LINGO2: variants seen among roughly 807,000 people sequenced by gnomAD.
The protein encoded by LINGO2 is leucine-rich repeat and immunoglobulin-like domain-containing nogo receptor-interacting protein 2.
In LINGO2, 14 loss-of-function variants were observed where a neutral mutation model predicts 30.6. The observed-to-expected ratio is 0.46, with a 90% CI of 0.30 to 0.72. The LOEUF (loss-of-function observed/expected upper bound fraction) is 0.72, where lower values mean the gene tolerates loss of function less well. LINGO2 is among the 30% of genes least tolerant of loss of function. LINGO2 has a pLI of 0.07. For synonymous variants in LINGO2, 317 were observed against 288.5 expected, an observed-to-expected ratio of 1.10 and a Z score of -1.00; for missense variants, 729 against 751.7, an observed-to-expected ratio of 0.97 and a Z score of 0.35.
At chr9:29,115,672 TGAA>T in the LINGO2 span, among the ~76,000 whole-genome samples, 8 of 152,008 alleles carry the variant, frequency 5.3e-5, no homozygotes, top group African/African-American at 1.9e-4. Flanking sequence ...TTAACATTAT[TGAA>T]GAACTAAAAC....
the LINGO2 span, among the ~76,000 whole-genome samples, chr9:28,876,807 A>T: frequency 6.6e-6 from 1 of 152,032 alleles, no homozygotes; most frequent in African/African-American, 2.4e-5. Flanking sequence ...CTAGTTCTAG[A>T]TCCCTGAGGA....
the LINGO2 span, among the ~76,000 whole-genome samples, chr9:29,147,830 C>A: frequency 6.6e-6 from 1 of 152,004 alleles, no homozygotes; most frequent in South Asian, 2.1e-4. Context: ...CAAATTAAAA[C>A]CATCTGCAAA....
the LINGO2 span, among the ~76,000 whole-genome samples, chr9:28,950,291 T>C: frequency 0.16 from 24,964 of 152,058 alleles, 2,067 homozygotes; most frequent in South Asian, 0.2. Flanking sequence ...CAATATCATA[T>C]GGAATGGGTA....
At chr9:28,812,285 C>A in the LINGO2 span, among the ~76,000 whole-genome samples, 1 of 151,982 alleles carries the variant, frequency 6.6e-6, no homozygotes, top group African/African-American at 2.4e-5. Context: ...GGACTTCCAA[C>A]AAGTAAATAT....
intron 4 of LINGO2, among the ~76,000 whole-genome samples, chr9:28,244,991 A>G (rs2133988315): frequency 6.6e-6 from 1 of 152,316 alleles, no homozygotes; most frequent in East Asian, 1.9e-4. Flanking sequence ...CACCTGGCAG[A>G]GACACAACAA....
intron 4 of LINGO2, among the ~76,000 whole-genome samples, chr9:28,067,031 G>C (rs987258137): frequency 2.0e-5 from 3 of 151,852 alleles, no homozygotes; most frequent in African/African-American, 4.8e-5. Flanking sequence ...TACTCACCTC[G>C]TTATTTGCTT....
At chr9:29,058,324 T>C in the LINGO2 span, among the ~76,000 whole-genome samples, 1 of 152,018 alleles carries the variant, frequency 6.6e-6, no homozygotes, top group African/African-American at 2.4e-5. Context: ...ACTGGCTGCA[T>C]TTAGCAGTAA....
chr9:28,709,070 C>G, the LINGO2 span, among the ~76,000 whole-genome samples: 1 of 152,088 alleles, frequency 6.6e-6, no homozygotes, highest in Non-Finnish European at 1.5e-5. Flanking sequence ...CACAGATAGT[C>G]TGATGGATGT....
chr9:28,497,721 G>A (rs964328337), intron 1 of LINGO2, among the ~76,000 whole-genome samples: 1 of 152,306 alleles, frequency 6.6e-6, no homozygotes, highest in African/African-American at 2.4e-5. Flanking sequence ...TTCCTTTGGA[G>A]GGGTAGAGGC....
At chr9:29,047,713 T>C in the LINGO2 span, among the ~76,000 whole-genome samples, 2 of 152,164 alleles carry the variant, frequency 1.3e-5, no homozygotes, top group Non-Finnish European at 2.9e-5. Context: ...TGATCTTATA[T>C]TTGGAAAAAC....
At chr9:28,012,341 A>G (rs1822598823) in intron 5 of LINGO2, 1 of 152,010 alleles carries the variant, frequency 6.6e-6, no homozygotes, top group Admixed American at 6.6e-5. Context: ...GAGTTTAAAA[A>G]GTTTCTGGCT....
chr9:29,128,669 C>T, the LINGO2 span, among the ~76,000 whole-genome samples: 1 of 152,110 alleles, frequency 6.6e-6, no homozygotes, highest in African/African-American at 2.4e-5. Flanking sequence ...TTTTGGTTCA[C>T]AGCCTTCATT....
intron 1 of LINGO2, among the ~76,000 whole-genome samples, chr9:28,593,464 T>C (rs1360461575): frequency 6.6e-6 from 1 of 152,110 alleles, no homozygotes; most frequent in Non-Finnish European, 1.5e-5. Context: ...GATCTTTTCC[T>C]ACCTTCCATA....
chr9:28,447,552 C>T (rs899544230), intron 2 of LINGO2, among the ~76,000 whole-genome samples: 1 of 152,154 alleles, frequency 6.6e-6, no homozygotes, highest in African/African-American at 2.4e-5. Flanking sequence ...AGACAGCAAC[C>T]AACTGATTTT....
intron 4 of LINGO2, among the ~76,000 whole-genome samples, chr9:28,090,815 C>CCAT (rs1250512136): frequency 6.6e-6 from 1 of 152,132 alleles, no homozygotes; most frequent in Non-Finnish European, 1.5e-5. Flanking sequence ...TCAGAAAACC[C>CCAT]CATCGTCTTA....
intron 4 of LINGO2, among the ~76,000 whole-genome samples, chr9:28,231,928 C>T (rs2133938564): frequency 6.6e-6 from 1 of 152,072 alleles, no homozygotes; most frequent in East Asian, 1.9e-4. Flanking sequence ...CTCTTTTATA[C>T]TTGTTTCTTT....
intron 2 of LINGO2, among the ~76,000 whole-genome samples, chr9:28,376,849 T>C (rs540023568): frequency 6.6e-6 from 1 of 152,282 alleles, no homozygotes; most frequent in African/African-American, 2.4e-5. Flanking sequence ...TTCCATTATA[T>C]CTTTCTACCT....
At chr9:28,989,965 C>T in the LINGO2 span, among the ~76,000 whole-genome samples, 58 of 152,246 alleles carry the variant, frequency 3.8e-4, no homozygotes, top group South Asian at 1.2e-3. Context: ...GCGTGAGCGA[C>T]GCAGAAGACG....
chr9:29,090,485 C>A, the LINGO2 span, among the ~76,000 whole-genome samples: 1 of 152,126 alleles, frequency 6.6e-6, no homozygotes, highest in African/African-American at 2.4e-5. Flanking sequence ...TCTTCTGATT[C>A]ATTTGTGTAT....
Sources: allele counts gnomAD v4.1 joint callset (sites outside exome capture counted in the v4.1 genomes callset), GRCh38; gene constraint gnomAD v4.1.1; transcripts MANE v1.5; gene names NCBI Gene and HGNC (gene_info 2026-07-23, HGNC 2026-07-21).